Variants in WWOX observed in about 807,000 individuals in gnomAD.
WWOX encodes the protein WW domain-containing oxidoreductase.
Under a neutral mutation model 46.2 loss-of-function variants are expected in WWOX, and 69 were observed. The ratio of observed to expected loss-of-function variants is 1.49; its 90% CI spans 1.23 to 1.82. The LOEUF (loss-of-function observed/expected upper bound fraction) is 1.82, where lower values mean the gene tolerates loss of function less well. WWOX is among the 40% of genes most tolerant of loss of function. WWOX has a pLI of 0.00. For synonymous variants in WWOX, 359 were observed against 202.6 expected (o/e 1.77, Z -6.56); for missense variants, 919 against 542.6 (o/e 1.69, Z -6.89).
chr16:78,435,534 C>A (rs868259718), intron 8 of WWOX, among the ~76,000 whole-genome samples: 1 of 152,176 alleles, frequency 6.6e-6, no homozygotes, highest in Non-Finnish European at 1.5e-5. Context: ...GTGTGTAGCT[C>A]ATGAGAGGGT....
chr16:78,878,777 A>T (rs1027005858), intron 8 of WWOX, among the ~76,000 whole-genome samples: 6 of 151,936 alleles, frequency 3.9e-5, no homozygotes, highest in African/African-American at 1.5e-4. Flanking sequence ...TTACCAGGCC[A>T]GGCTTATGGC....
At chr16:78,868,349 A>G (rs2044051352) in intron 8 of WWOX, among the ~76,000 whole-genome samples, 1 of 152,030 alleles carries the variant, frequency 6.6e-6, no homozygotes, top group South Asian at 2.1e-4. Flanking sequence ...GACAGCAAAC[A>G]GAATGATGGT....
At chr16:78,387,709 A>G (rs1218351911) in intron 6 of WWOX, among the ~76,000 whole-genome samples, 1 of 152,108 alleles carries the variant, frequency 6.6e-6, no homozygotes, top group Admixed American at 6.6e-5. Flanking sequence ...ATTTTTACTC[A>G]TATTTAGGGC....
intron 8 of WWOX, among the ~76,000 whole-genome samples, chr16:78,680,747 C>T (rs1477279208): frequency 6.6e-6 from 1 of 152,170 alleles, no homozygotes; most frequent in East Asian, 1.9e-4. Flanking sequence ...AGTAGAGTGT[C>T]CCATTGCACA....
At chr16:78,124,432 T>C (rs188905164) in intron 4 of WWOX, 36 of 152,310 alleles carry the variant, frequency 2.4e-4, no homozygotes, top group African/African-American at 7.7e-4. Flanking sequence ...ACAGACCTTC[T>C]TGGACTTTTG....
At chr16:78,719,736 T>A (rs966920818) in intron 8 of WWOX, among the ~76,000 whole-genome samples, 11 of 152,216 alleles carry the variant, frequency 7.2e-5, no homozygotes, top group Admixed American at 2.0e-4. Flanking sequence ...ATGGAAAATA[T>A]CACTTAACTT....
At position 79,212,234 on chromosome 16, in the gene WWOX, T is replaced by G; in HGVS notation, c.*438T>G. 1 of 1,367,854 alleles carries G rather than the reference T, an allele frequency of 7.3e-7. No homozygotes were observed. The highest frequency in any genetic ancestry group is 2.5e-5 in the East Asian group (1 of 39,890). 84.7% of individuals were successfully genotyped at this position (1,367,854 alleles called of 1,614,324 possible). A position where few individuals can be genotyped will look rare whatever the true frequency, so the allele number is the denominator to read the frequency against. On this transcript the variant is annotated 3_prime_UTR_variant, in exon 9 of 9. Coordinates refer to ENST00000566780, the MANE Select transcript of WWOX (RefSeq NM_016373.4). ...GAAAAAGCAAGTGTTCACTGCTCCT[T>G]GCTGCATTGATCCAGGAGATAATTG...
intron 5 of WWOX, among the ~76,000 whole-genome samples, chr16:78,174,881 G>T (rs2151746793): frequency 6.6e-6 from 1 of 152,142 alleles, no homozygotes; most frequent in Middle Eastern, 3.4e-3. Flanking sequence ...CCAGCTACTG[G>T]GGAGGCTGAG....
intron 6 of WWOX, among the ~76,000 whole-genome samples, chr16:78,413,179 C>T (rs1044058751): frequency 6.6e-6 from 1 of 152,144 alleles, no homozygotes; most frequent in Non-Finnish European, 1.5e-5. Flanking sequence ...AGTTGTACTA[C>T]TCAAATCAAT....
intron 8 of WWOX, among the ~76,000 whole-genome samples, chr16:78,546,480 T>C (rs1451532378): frequency 6.6e-6 from 1 of 152,230 alleles, no homozygotes; most frequent in African/African-American, 2.4e-5. Flanking sequence ...CTTTGTTAAT[T>C]ACATCTCATA....
intron 8 of WWOX, among the ~76,000 whole-genome samples, chr16:78,458,973 T>A (rs2083889914): frequency 6.6e-6 from 1 of 152,202 alleles, no homozygotes; most frequent in Non-Finnish European, 1.5e-5. Flanking sequence ...GTCACAAAAC[T>A]ACTTGAAGTT....
chr16:78,778,333 A>G (rs184020307), intron 8 of WWOX, among the ~76,000 whole-genome samples: 78 of 152,332 alleles, frequency 5.1e-4, no homozygotes, highest in Admixed American at 2.7e-3. Flanking sequence ...GGTGGAAGGC[A>G]GGTTTCACGT....
At chr16:78,502,855 G>C (rs2085104336) in intron 8 of WWOX, among the ~76,000 whole-genome samples, 1 of 152,138 alleles carries the variant, frequency 6.6e-6, no homozygotes, top group South Asian at 2.1e-4. Context: ...ACTGTTAATG[G>C]CTGAGCTCCT....
At chr16:78,608,526 G>A (rs929013937) in intron 8 of WWOX, among the ~76,000 whole-genome samples, 2 of 152,168 alleles carry the variant, frequency 1.3e-5, no homozygotes, top group Admixed American at 1.3e-4. Flanking sequence ...CTGCTGTTGG[G>A]AGGTTCAAGA....
chr16:79,211,769 A>C lies in WWOX; in HGVS notation c.1218A>C (p.Gln406His), dbSNP rs767985798. Residue 406 changes from glutamine (Q) to histidine (H), a missense_variant, in exon 9 of 9, where the codon CAA becomes CAC. Physicochemically the swap from Gln to His is conservative, Grantham distance 24. Coordinates refer to ENST00000566780, the MANE Select transcript of WWOX (RefSeq NM_016373.4). ...TLWALSERLIQERLGSQSG is the reference protein window; with the variant it reads ...TLWALSERLIHERLGSQSG ...GGGCGCTCAGCGAGAGGCTGATCCA[A>C]GAACGGCTTGGCAGCCAGTCCGGCT... 1 of 1,614,166 alleles carries C rather than the reference A, an allele frequency of 6.2e-7. No homozygotes were observed. The highest frequency in any genetic ancestry group is 8.5e-7 in the Non-Finnish European group (1 of 1,180,006).
At chr16:78,825,879 A>G in intron 8 of WWOX, 1 of 672,828 alleles carries the variant, frequency 1.5e-6, no homozygotes, top group Non-Finnish European at 2.7e-6. Flanking sequence ...GGCCCTAAGA[A>G]GCCTCTGCCT....
At chr16:79,104,421 A>G (rs915343431) in intron 8 of WWOX, among the ~76,000 whole-genome samples, 1 of 152,240 alleles carries the variant, frequency 6.6e-6, no homozygotes, top group Non-Finnish European at 1.5e-5. Context: ...ACATTTTGCT[A>G]TAATGGCTTT....
intron 8 of WWOX, among the ~76,000 whole-genome samples, chr16:79,146,143 T>A (rs950400344): frequency 6.6e-6 from 1 of 152,232 alleles, no homozygotes; most frequent in African/African-American, 2.4e-5. Flanking sequence ...AGGAAGGAAG[T>A]GTATGATATG....
At chr16:78,824,576 C>T (rs9936256) in intron 8 of WWOX, among the ~76,000 whole-genome samples, 93,820 of 151,912 alleles carry the variant, frequency 0.62, 29,106 homozygotes, top group Admixed American at 0.68. Context: ...CTTACAGTTC[C>T]GCACGGCTGG....
Sources: gnomAD v4.1 joint callset for allele counts (sites outside exome capture counted in the v4.1 genomes callset) on GRCh38, gnomAD v4.1.1 for gene constraint, MANE v1.5 for transcripts, NCBI Gene and HGNC (gene_info 2026-07-23, HGNC 2026-07-21) for gene names.